Variants in POLR3H observed in about 807,000 individuals in gnomAD.
POLR3H encodes RNA polymerase III subunit H.
A neutral mutation model predicts 25.5 loss-of-function variants in POLR3H; 17 were observed. The observed-to-expected ratio is 0.67, with a 90% CI of 0.46 to 1.00. The LOEUF is 1.00. Among genes scored for constraint, POLR3H ranks in the 50% least tolerant of loss-of-function variants. The probability of loss-of-function intolerance (pLI) is 0.00; values close to 1 mark genes in which losing one functional copy is unlikely to be tolerated. For synonymous variants in POLR3H, 129 were observed against 103.0 expected (o/e 1.25, Z -1.53); for missense variants, 274 against 265.0 (o/e 1.03, Z -0.24).
rs552219867 is a variant in POLR3H, at chr22:41,538,377, C to T, written c.208+2322G>A. Among the ~76,000 whole-genome samples, 16 of 152,150 alleles carry T rather than the reference C, an allele frequency of 1.1e-4. No homozygotes were observed. In the South Asian group the frequency reaches 2.3e-3, roughly 22 times the overall value. On this transcript the variant is annotated intron_variant, in intron 2 of 5. Coordinates refer to ENST00000355209, the MANE Select transcript of POLR3H (RefSeq NM_001018050.4). ...TCCTGACCTCATGATCTGCCCGCCT[C>T]GGCCTCCCAAAGTGCTGGGATTACA...
At chr22:41,533,425 G>T in intron 2 of POLR3H, 1 of 984,854 alleles carries the variant, frequency 1.0e-6, no homozygotes, top group Non-Finnish European at 1.3e-6. Flanking sequence ...GTTACCAACA[G>T]AGTTCCCACC....
chr22:41,536,866 CAAAA>C (rs576432041), intron 2 of POLR3H, among the ~76,000 whole-genome samples: 1 of 55,644 alleles, frequency 1.8e-5, no homozygotes, highest in South Asian at 6.8e-4. Context: ...GACTCTGTCT[CAAAA>C]AAAAAAAAAA....
rs1262133331 is a variant in POLR3H at position 41,544,350 on chromosome 22, C to CCGCCACGCCACGCCACTCCA, written c.-269_-250dup. The CCGCCACGCCACGCCACTCCA allele has an allele frequency of 2.6e-6, 1 of 379,340 alleles. No individual in the cohort carries two copies. Among genetic ancestry groups the CCGCCACGCCACGCCACTCCA allele is most frequent in the Non-Finnish European group, 4.7e-6 (1 of 211,980 alleles). 23.5% of individuals were successfully genotyped at this position (379,340 alleles called of 1,614,324 possible). On this transcript the variant is annotated 5_prime_UTR_variant, in exon 1 of 6. Transcript: ENST00000355209. ...GGGTGCGCGCCCGCGCCGCGAGACC[C>CCGCCACGCCACGCCACTCCA]CGCCACGCCACGCCACTCCACGCCA...
intron 2 of POLR3H, among the ~76,000 whole-genome samples, chr22:41,534,677 AG>A (rs1181516276): frequency 6.6e-6 from 1 of 151,980 alleles, no homozygotes; most frequent in Admixed American, 6.6e-5. Context: ...GGATCACCTG[AG>A]GTCAGCAGTT....
At position 41,527,962 on chromosome 22, in the gene POLR3H, C is replaced by T. The variant is rs770657342; in HGVS notation, c.*1321G>A. 2.5e-6 allele frequency: 4 copies of T among 1,614,186 alleles called. 1 individual carries two copies. In the South Asian group the frequency reaches 4.4e-5, roughly 18 times the overall value. On this transcript the variant is annotated 3_prime_UTR_variant, in exon 6 of 6. Coordinates refer to ENST00000355209, the MANE Select transcript of POLR3H (RefSeq NM_001018050.4). The stretch of plus-strand genomic sequence containing the variant: ...CCTTCGCTGACCCGGCTGACTACAA[C>T]AAGATTCACCCTGTGGACAAGCTGA...
At chr22:41,532,818 A>G in intron 2 of POLR3H, 73 bp from the exon 3 acceptor site, 1 of 1,520,548 alleles carries the variant, frequency 6.6e-7, no homozygotes, top group East Asian at 2.3e-5. Flanking sequence ...CTCAGGTGCC[A>G]GCACACCTGG....
intron 5 of POLR3H, chr22:41,529,625 A>G: frequency 1.4e-6 from 1 of 692,724 alleles, no homozygotes; most frequent in South Asian, 1.4e-5. Flanking sequence ...CGTGGCAGGA[A>G]GGCTGAGCAA....
Position 41,528,719 on chromosome 22 carries a change from C to CCAGA in POLR3H, c.*560_*563dup, listed in dbSNP as rs1197389831. On this transcript the variant is annotated 3_prime_UTR_variant, in exon 6 of 6. Coordinates refer to ENST00000355209, the MANE Select transcript of POLR3H (RefSeq NM_001018050.4). ...GGCTTCCTATTCCAAGATGGTGTGA[C>CCAGA]CAGACATGCTTCCTGCTCCCCGCTT... The CCAGA allele has an allele frequency of 2.8e-6, 4 of 1,454,294 alleles. No homozygotes were observed. The highest frequency in any genetic ancestry group is 3.7e-6 in the Non-Finnish European group (4 of 1,087,846). The allele number at this position is 1,454,294 out of a possible 1,614,324, so 90.1% of individuals were successfully genotyped here. A position where few individuals can be genotyped will look rare whatever the true frequency, so the allele number is the denominator to read the frequency against.
At chr22:41,529,778 GAC>G (rs2066687169) in intron 5 of POLR3H, 1 of 434,712 alleles carries the variant, frequency 2.3e-6, no homozygotes, top group African/African-American at 2.1e-5. Context: ...TTTTTTTTGA[GAC>G]AGTCTCGCAC....
At position 41,526,752 on chromosome 22, in the gene POLR3H, A is replaced by C. The variant is rs904291647; in HGVS notation, c.*2531T>G. 5.4e-6 allele frequency: 2 copies of C among 371,280 alleles called. No individual in the cohort carries two copies. Among genetic ancestry groups the C allele is most frequent in the Admixed American group, 8.3e-5 (2 of 23,996 alleles). 23.0% of individuals were successfully genotyped at this position (371,280 alleles called of 1,614,324 possible). On this transcript the variant is annotated 3_prime_UTR_variant, in exon 6 of 6. Coordinates refer to ENST00000355209, the MANE Select transcript of POLR3H (RefSeq NM_001018050.4). ...GCCGACTCAGGAAGTCAGAGGCCAAAAGCTCAGAGAGGGGGCTACACGGGG... is the reference window on the plus strand; with the variant it reads ...GCCGACTCAGGAAGTCAGAGGCCAACAGCTCAGAGAGGGGGCTACACGGGG...
chr22:41,540,954 C>G (rs1002491600), intron 1 of POLR3H, among the ~76,000 whole-genome samples, 159 bp from the exon 2 acceptor site: 3 of 152,084 alleles, frequency 2.0e-5, no homozygotes, highest in African/African-American at 7.2e-5. Context: ...GGGTAAGGAA[C>G]CTCAGAAGGA....
chr22:41,541,160 CTTG>C, intron 1 of POLR3H, among the ~76,000 whole-genome samples: 1 of 152,208 alleles, frequency 6.6e-6, no homozygotes. Flanking sequence ...AGCCCCTAGC[CTTG>C]TACCTGGCTC....
chr22:41,526,877 G>C lies in POLR3H; in HGVS notation c.*2406C>G, dbSNP rs1333511194. The C allele has an allele frequency of 3.2e-6, 1 of 316,164 alleles. No individual in the cohort carries two copies. The highest frequency in any genetic ancestry group is 5.9e-6 in the Non-Finnish European group (1 of 169,158). The allele number at this position is 316,164 out of a possible 1,614,324, so 19.6% of individuals were successfully genotyped here. A position where few individuals can be genotyped will look rare whatever the true frequency, so the allele number is the denominator to read the frequency against. On this transcript the variant is annotated 3_prime_UTR_variant, in exon 6 of 6. Transcript: ENST00000355209. ...CTGAACCCAAGTCCTGGCCCAGCCG[G>C]GTGAAAGGACTCTGGCACCCCCTGG...
chr22:41,528,754 A>T lies in POLR3H; in HGVS notation c.*529T>A. 8.0e-7 allele frequency: 1 copy of T among 1,254,778 alleles called. No homozygotes were observed. The highest frequency in any genetic ancestry group is 1.1e-6 in the Non-Finnish European group (1 of 932,786). The allele number at this position is 1,254,778 out of a possible 1,614,324, so 77.7% of individuals were successfully genotyped here. A position where few individuals can be genotyped will look rare whatever the true frequency, so the allele number is the denominator to read the frequency against. On this transcript the variant is annotated 3_prime_UTR_variant, in exon 6 of 6. Transcript: ENST00000355209. ...TTCCTGCTCCCCGCTTAGCCCACGG[A>T]GTGACTGTGGTTGTGGTGGGGGGGT...
rs997699343 is a variant in POLR3H at position 41,528,361 on chromosome 22, T to G, written c.*922A>C. 8 of 1,412,418 alleles carry G rather than the reference T, an allele frequency of 5.7e-6. No individual in the cohort carries two copies. The African/African-American group carries it at 1.0e-4, about 18-fold the overall frequency. 87.5% of individuals were successfully genotyped at this position (1,412,418 alleles called of 1,614,324 possible). Reference sequence around the variant, plus strand: ...CATCAGGCACAGACTGGCCTAGGATTTGGTTTGCCTGCTGACCTCTTAGGT... The same window carrying G: ...CATCAGGCACAGACTGGCCTAGGATGTGGTTTGCCTGCTGACCTCTTAGGT... On this transcript the variant is annotated 3_prime_UTR_variant, in exon 6 of 6. Coordinates refer to ENST00000355209, the MANE Select transcript of POLR3H (RefSeq NM_001018050.4).
Position 41,526,567 on chromosome 22 carries a change from A to G in POLR3H, c.*2716T>C. On this transcript the variant is annotated 3_prime_UTR_variant, in exon 6 of 6. Coordinates refer to ENST00000355209, the MANE Select transcript of POLR3H (RefSeq NM_001018050.4). The stretch of plus-strand genomic sequence containing the variant: ...ACTGGGAAGGAGGCCGACCAAGCCC[A>G]AAGGGGACTGCTGTGGAAGGGAGGA... The G allele has an allele frequency of 8.2e-7, 1 of 1,213,652 alleles. No individual in the cohort carries two copies. Among genetic ancestry groups the G allele is most frequent in the South Asian group, 1.5e-5 (1 of 65,538 alleles). The allele number at this position is 1,213,652 out of a possible 1,614,324, so 75.2% of individuals were successfully genotyped here. A position where few individuals can be genotyped will look rare whatever the true frequency, so the allele number is the denominator to read the frequency against.
At chr22:41,533,617 A>G in intron 2 of POLR3H, 4 of 1,302,836 alleles carry the variant, frequency 3.1e-6, no homozygotes, top group South Asian at 1.2e-5. Flanking sequence ...GTCGGCCAAC[A>G]TGCCCCCCAG....
Position 41,540,722 on chromosome 22 carries a change from C to G in POLR3H, c.185G>C (p.Gly62Ala), listed in dbSNP as rs1256073441. The G allele has an allele frequency of 6.2e-7, 1 of 1,613,972 alleles. No homozygotes were observed. The highest frequency in any genetic ancestry group is 1.7e-5 in the Admixed American group (1 of 60,008). Residue 62 changes from glycine (G) to alanine (A), a missense_variant, in exon 2 of 6, where the codon GGG becomes GCG. Physicochemically the swap from Gly to Ala is moderately conservative, Grantham distance 60. Transcript: ENST00000355209. ...TKLEDAYVFP[G>A]DGASHTKVHF... ...ACCTTTGGTGTGTGATGCGCCATCC[C>G]CAGGGAATACATAGGCATCCTCCAG...
Position 41,528,187 on chromosome 22 carries a change from G to A in POLR3H, c.*1096C>T. ...AGAGAAAGCAAAGTGGCTTCTCAGAGTTGGGGGTTGGAGTCAACCCGGGGC... is the reference window on the plus strand; with the variant it reads ...AGAGAAAGCAAAGTGGCTTCTCAGAATTGGGGGTTGGAGTCAACCCGGGGC... On this transcript the variant is annotated 3_prime_UTR_variant, in exon 6 of 6. Transcript: ENST00000355209. The A allele has an allele frequency of 1.8e-6, 2 of 1,136,714 alleles. No individual in the cohort carries two copies. Among genetic ancestry groups the A allele is most frequent in the Non-Finnish European group, 2.5e-6 (2 of 813,006 alleles). The allele number at this position is 1,136,714 out of a possible 1,614,324, so 70.4% of individuals were successfully genotyped here.
Sources: allele counts gnomAD v4.1 joint callset (sites outside exome capture counted in the v4.1 genomes callset), GRCh38; gene constraint gnomAD v4.1.1; transcripts MANE v1.5; gene names NCBI Gene and HGNC (gene_info 2026-07-23, HGNC 2026-07-21).